Variants in ZNF10 observed in about 807,000 individuals in gnomAD.
ZNF10 encodes zinc finger protein 10, also known as zinc finger protein 10 (KOX 1).
ZNF10 carries 8 observed loss-of-function variants against 12.2 expected under a neutral mutation model. That is an observed-to-expected ratio of 0.66 (90% CI 0.39 to 1.18). The LOEUF (loss-of-function observed/expected upper bound fraction) is 1.18. Ranked by LOEUF, ZNF10 falls within the 50% of genes most tolerant of loss-of-function variation. ZNF10 has a pLI of 0.01. For missense variants in ZNF10, 603 were observed against 678.9 expected, an observed-to-expected ratio of 0.89 and a Z score of 1.24; for synonymous variants, 229 against 228.2, an observed-to-expected ratio of 1.00 and a Z score of -0.03.
At chr12:133,139,474 G>A (rs747940758) in intron 1 of ZNF10, among the ~76,000 whole-genome samples, 60 of 152,328 alleles carry the variant, frequency 3.9e-4, no homozygotes, top group African/African-American at 1.3e-3. Flanking sequence ...CTAAATCTAT[G>A]CCAAGGACTT....
In ZNF10 at chr12:133,156,650, ATCTT is replaced by A. The variant is rs1362158668; in HGVS notation, c.1407_1410del (p.Phe470AlafsTer63). 1.2e-5 allele frequency: 20 copies of A among 1,614,000 alleles called. No homozygotes were observed. The highest frequency in any genetic ancestry group is 1.0e-5 in the Non-Finnish European group (12 of 1,180,016). On this transcript the variant is annotated frameshift_variant, in exon 5 of 5. Coordinates refer to ENST00000248211, the MANE Select transcript of ZNF10 (RefSeq NM_015394.5). LOFTEE classifies it low-confidence loss of function (END_TRUNC). ...CATATGAGTGTCATGATTGTGGAAA[ATCTT>A]TCAGCCAGAGTTCTGCCCTTATTGT...
chr12:133,150,833 G>C (rs1055029192), intron 2 of ZNF10, among the ~76,000 whole-genome samples, 195 bp from the exon 3 acceptor site: 1 of 152,158 alleles, frequency 6.6e-6, no homozygotes, highest in Admixed American at 6.5e-5. Flanking sequence ...CTTGTTTTCA[G>C]ACAGTAGGTA....
At chr12:133,154,767 G>T (rs1261157620) in intron 4 of ZNF10, among the ~76,000 whole-genome samples, 2 of 152,126 alleles carry the variant, frequency 1.3e-5, no homozygotes, top group East Asian at 1.9e-4. Context: ...ACGTATGGCT[G>T]CATTCATGGT....
At chr12:133,144,841 G>A in intron 2 of ZNF10, 1 of 483,082 alleles carries the variant, frequency 2.1e-6, no homozygotes, top group South Asian at 1.6e-5. Context: ...ATCAACTCAT[G>A]CTGACCAAAA....
chr12:133,134,289 G>A (rs1340329696), intron 1 of ZNF10, among the ~76,000 whole-genome samples: 1 of 151,956 alleles, frequency 6.6e-6, no homozygotes, highest in East Asian at 1.9e-4. Flanking sequence ...CTCCAGCCTG[G>A]GCAACAGAGC....
chr12:133,144,318 C>G (rs957254276), intron 1 of ZNF10, 116 bp from the exon 2 acceptor site: 1 of 547,682 alleles, frequency 1.8e-6, no homozygotes, highest in Non-Finnish European at 3.2e-6. Flanking sequence ...CTCTGATGTT[C>G]CTCTGTATAG....
In ZNF10 at chr12:133,155,959, A is replaced by G. The variant is rs764273056; in HGVS notation, c.713A>G (p.Tyr238Cys). Residue 238 changes from tyrosine (Y) to cysteine (C), a missense_variant, in exon 5 of 5, where the codon TAC becomes TGC. By Grantham distance (194) the Tyr-to-Cys change is radical (BLOSUM62 -2). This residue lies in a region of ZNF10 where 393 missense variants were observed against 399.7 expected (regional missense o/e 0.98). Transcript: ENST00000248211. ...AGAACTCACACAGGTGATAAATCCT[A>G]CAAATGCCCTGATAATGACAACTCT... ...FARTHTGDKSYKCPDNDNSLT... is the reference protein window; with the variant it reads ...FARTHTGDKSCKCPDNDNSLT... 1.9e-6 allele frequency: 3 copies of G among 1,614,070 alleles called. No individual in the cohort carries two copies. In the South Asian group the frequency reaches 3.3e-5, roughly 18 times the overall value.
intron 1 of ZNF10, among the ~76,000 whole-genome samples, chr12:133,138,631 G>A (rs1330381204): frequency 6.6e-6 from 1 of 152,116 alleles, no homozygotes; most frequent in Non-Finnish European, 1.5e-5. Flanking sequence ...ATTATTCCGA[G>A]GATAGGATGT....
chr12:133,136,445 C>G (rs1169646770), intron 1 of ZNF10, among the ~76,000 whole-genome samples: 1 of 152,174 alleles, frequency 6.6e-6, no homozygotes, highest in Non-Finnish European at 1.5e-5. Context: ...CTATTTTGAT[C>G]TACCCATCCT....
At chr12:133,136,983 A>G (rs77092166) in intron 1 of ZNF10, among the ~76,000 whole-genome samples, 8,065 of 152,102 alleles carry the variant, frequency 0.053, 709 homozygotes, top group African/African-American at 0.18. Context: ...CCTACTCACT[A>G]TGTTCAAAAC....
At chr12:133,153,792 G>A (rs1956022605) in intron 4 of ZNF10, among the ~76,000 whole-genome samples, 1 of 152,206 alleles carries the variant, frequency 6.6e-6, no homozygotes, top group Admixed American at 6.6e-5. Context: ...CACAGCTGGA[G>A]GCTGTTAAGT....
intron 2 of ZNF10, among the ~76,000 whole-genome samples, chr12:133,149,041 C>T (rs190405042): frequency 2.5e-4 from 38 of 152,078 alleles, no homozygotes; most frequent in East Asian, 9.7e-4. Flanking sequence ...CATGAGCCAC[C>T]GTGCCCGGCC....
chr12:133,146,723 A>G (rs1038429267), intron 2 of ZNF10, among the ~76,000 whole-genome samples: 30 of 152,086 alleles, frequency 2.0e-4, no homozygotes, highest in African/African-American at 7.2e-4. Context: ...GCGGGCGCCT[A>G]TAAACTCAGG....
chr12:133,149,828 T>A (rs906151009), intron 2 of ZNF10, among the ~76,000 whole-genome samples: 2 of 152,174 alleles, frequency 1.3e-5, no homozygotes, highest in African/African-American at 4.8e-5. Context: ...TTTGGATTAT[T>A]TGAATATATT....
chr12:133,145,170 G>A (rs889824641), intron 2 of ZNF10, among the ~76,000 whole-genome samples: 1 of 152,108 alleles, frequency 6.6e-6, no homozygotes, highest in Non-Finnish European at 1.5e-5. Flanking sequence ...GAGCTACCCC[G>A]CCCGGCCAAC....
chr12:133,133,996 TTAAAAG>T (rs1955895525), intron 1 of ZNF10, among the ~76,000 whole-genome samples: 1 of 152,090 alleles, frequency 6.6e-6, no homozygotes, highest in African/African-American at 2.4e-5. Context: ...ACAGGGGTCC[TTAAAAG>T]TAAAAGAGCT....
At chr12:133,147,128 A>G (rs1451586389) in intron 2 of ZNF10, among the ~76,000 whole-genome samples, 2 of 152,206 alleles carry the variant, frequency 1.3e-5, no homozygotes, top group African/African-American at 4.8e-5. Context: ...GTGTGGCTGT[A>G]CCACGTTTTG....
intron 2 of ZNF10, among the ~76,000 whole-genome samples, chr12:133,147,444 A>G (rs920128364): frequency 6.6e-6 from 1 of 152,228 alleles, no homozygotes; most frequent in African/African-American, 2.4e-5. Context: ...ACCCTTTCTA[A>G]TAAGTGTCTT....
At chr12:133,149,515 G>A (rs1245706899) in intron 2 of ZNF10, among the ~76,000 whole-genome samples, 1 of 151,310 alleles carries the variant, frequency 6.6e-6, no homozygotes, top group Admixed American at 6.6e-5. Flanking sequence ...ATGCCACCAC[G>A]CCTGGTTAAT....
Sources: allele counts gnomAD v4.1 joint callset (sites outside exome capture counted in the v4.1 genomes callset), GRCh38; gene constraint gnomAD v4.1.1; regional missense constraint gnomAD v4.1.1; transcripts MANE v1.5; gene names NCBI Gene and HGNC (gene_info 2026-07-23, HGNC 2026-07-21).